TRMT44: variants seen among roughly 807,000 people sequenced by gnomAD.
TRMT44 encodes probable tRNA (uracil-O(2)-)-methyltransferase.
A neutral mutation model predicts 77.3 loss-of-function variants in TRMT44; 78 were observed. That is an observed-to-expected ratio of 1.01 (90% CI 0.84 to 1.22). TRMT44 has a LOEUF of 1.22. Ranked by LOEUF, TRMT44 falls within the 50% of genes most tolerant of loss-of-function variation. The pLI, the probability that TRMT44 is intolerant of heterozygous loss-of-function variation, is 0.00. For missense variants in TRMT44, 1,090 were observed against 964.4 expected, an observed-to-expected ratio of 1.13 and a Z score of -1.73; for synonymous variants, 391 against 383.3, an observed-to-expected ratio of 1.02 and a Z score of -0.23.
intron 2 of TRMT44, among the ~76,000 whole-genome samples, chr4:8,486,740 A>G (rs577796001): frequency 2.2e-3 from 331 of 152,240 alleles, no homozygotes; most frequent in South Asian, 0.013. Flanking sequence ...AGCTCCAGCC[A>G]CCTTTTTAAG....
At chr4:8,482,921 A>G (rs1173576975) in intron 2 of TRMT44, among the ~76,000 whole-genome samples, 2 of 150,446 alleles carry the variant, frequency 1.3e-5, no homozygotes, top group East Asian at 4.0e-4. Flanking sequence ...GGGGGGTGGT[A>G]TGGAGAGATA....
chr4:8,487,925 C>G (rs1254588613), intron 2 of TRMT44, among the ~76,000 whole-genome samples: 1 of 152,140 alleles, frequency 6.6e-6, no homozygotes, highest in Non-Finnish European at 1.5e-5. Flanking sequence ...GCTGCCTTCC[C>G]TAGTCTGTGA....
chr4:8,440,918 G>T lies in TRMT44; in HGVS notation c.96G>T (p.Gln32His). The part of the protein sequence containing the change: ...AAVEVWLERP[Q>H]VANKRLCGAR... ...TCGAAGTGTGGCTGGAGAGGCCGCA[G>T]GTGGCAAACAAACGGCTTTGCGGCG... The change falls in exon 1 of 11, where the codon CAG becomes CAT. Residue 32 changes from glutamine to histidine, a missense_variant. By Grantham distance (24) the Gln-to-His change is conservative (BLOSUM62 0). Coordinates refer to ENST00000389737, the MANE Select transcript of TRMT44 (RefSeq NM_152544.3). 2 of 1,530,612 alleles carry T rather than the reference G, an allele frequency of 1.3e-6. No individual in the cohort carries two copies. The highest frequency in any genetic ancestry group is 1.7e-6 in the Non-Finnish European group (2 of 1,145,580). The allele number at this position is 1,530,612 out of a possible 1,614,324, so 94.8% of individuals were successfully genotyped here.
chr4:8,448,343 G>A (rs1725196917), intron 2 of TRMT44, among the ~76,000 whole-genome samples: 1 of 152,352 alleles, frequency 6.6e-6, no homozygotes, highest in Non-Finnish European at 1.5e-5. Context: ...TCCTGGGGCA[G>A]TGGAGAATAT....
At chr4:8,457,513 T>TAGA (rs1725879649) in intron 6 of TRMT44, among the ~76,000 whole-genome samples, 1 of 152,168 alleles carries the variant, frequency 6.6e-6, no homozygotes, top group East Asian at 1.9e-4. Flanking sequence ...AGCTTCTCTT[T>TAGA]TCAGCCTCTA....
the TRMT44 span, chr4:8,509,018 G>C: frequency 6.6e-6 from 1 of 152,278 alleles, no homozygotes; most frequent in Non-Finnish European, 1.5e-5. Context: ...CCCCTCTCTT[G>C]AGCAGATGAC....
chr4:8,467,869 T>C (rs1364983527), intron 8 of TRMT44, 45 bp from the exon 9 acceptor site: 9 of 1,529,574 alleles, frequency 5.9e-6, no homozygotes, highest in Middle Eastern at 1.8e-4. Context: ...AACGTTGAAA[T>C]AGACTAGCCA....
chr4:8,463,961 C>T (rs373671392), intron 6 of TRMT44, 24 bp from the exon 7 acceptor site: 250 of 1,591,322 alleles, frequency 1.6e-4, no homozygotes, highest in East Asian at 3.1e-4. Context: ...CAAAACATTT[C>T]GTCTTGTTTT....
Position 8,441,209 on chromosome 4 carries a change from T to C in TRMT44, c.387T>C (p.His129=), listed in dbSNP as rs373224515. 63 of 1,535,120 alleles carry C rather than the reference T, an allele frequency of 4.1e-5. No homozygotes were observed. Among genetic ancestry groups the C allele is most frequent in the East Asian group, 2.4e-4 (10 of 40,912 alleles). ...TGAGGGACTCCGGGCACCCCGGCCA[T>C]GCTGAAGGAAGGGAGGGCGACTTCC... The part of the protein sequence containing the change: ...VPLRDSGHPG[H]AEGREGDFPA... Residue 129 remains histidine (H), a synonymous_variant, in exon 1 of 11, where the codon CAT becomes CAC. Coordinates refer to ENST00000389737, the MANE Select transcript of TRMT44 (RefSeq NM_152544.3).
rs573668902 is a variant in TRMT44 at position 8,475,628 on chromosome 4, C to T, written c.2045-144C>T. ...CCCACTGGAGGCAGACTCACTGTGA[C>T]CAGCAGGAACTCTAGGCTGTGTTCC... On this transcript the variant is annotated intron_variant, in intron 10 of 10. Transcript: ENST00000389737. 30 of 721,394 alleles carry T rather than the reference C, an allele frequency of 4.2e-5. No individual in the cohort carries two copies. In the East Asian group the frequency reaches 8.1e-4, roughly 19 times the overall value. 44.7% of individuals were successfully genotyped at this position (721,394 alleles called of 1,614,324 possible).
At position 8,469,606 on chromosome 4, in the gene TRMT44, G is replaced by A. The variant is rs369778045; in HGVS notation, c.1927+1260G>A. 3.3e-5 allele frequency among the ~76,000 whole-genome samples: 5 copies of A among 152,244 alleles called. No homozygotes were observed. In the East Asian group the frequency reaches 7.7e-4, roughly 23 times the overall value. ...GTGAGGAGGAAGGAGGAACAGACCT[G>A]GAGATGGAGAGCGGGGATGGGTGAG... is the stretch of plus-strand genomic sequence containing the variant. On this transcript the variant is annotated intron_variant, in intron 9 of 10. Coordinates refer to ENST00000389737, the MANE Select transcript of TRMT44 (RefSeq NM_152544.3).
chr4:8,491,893 C>T (rs528096054), intron 2 of TRMT44, among the ~76,000 whole-genome samples: 3 of 152,354 alleles, frequency 2.0e-5, no homozygotes, highest in East Asian at 1.9e-4. Flanking sequence ...CCTCAAGTGC[C>T]GCCAAAGTGG....
intron 3 of TRMT44, 75 bp downstream of exon 3, chr4:8,449,963 T>C (rs1327872545): frequency 2.7e-5 from 23 of 845,042 alleles, no homozygotes; most frequent in Non-Finnish European, 3.5e-5. Context: ...TTTTTTTTTT[T>C]TTTTTTTTTT....
At chr4:8,505,392 C>A in the TRMT44 span, among the ~76,000 whole-genome samples, 1 of 152,172 alleles carries the variant, frequency 6.6e-6, no homozygotes, top group African/African-American at 2.4e-5. Flanking sequence ...GGGAGGCCAG[C>A]ACTCAGCCCC....
the TRMT44 span, among the ~76,000 whole-genome samples, chr4:8,516,876 T>C: frequency 6.6e-6 from 1 of 152,244 alleles, no homozygotes; most frequent in African/African-American, 2.4e-5. Flanking sequence ...ATGAGCAATG[T>C]GGCCTTGGCA....
chr4:8,508,864 C>A, the TRMT44 span: 1 of 153,574 alleles, frequency 6.5e-6, no homozygotes, highest in Non-Finnish European at 1.4e-5. Flanking sequence ...CCTTGGCTGC[C>A]TTCCTCCTCC....
At position 8,446,454 on chromosome 4, in the gene TRMT44, C is replaced by G. The variant is rs544901195; in HGVS notation, c.620-22C>G. ...GGTAGCTAGGCAGTTGTAATTTGTC[C>G]TTCTTCTCTTTTTCTTTCCAGATGT... On this transcript the variant is annotated intron_variant, in intron 1 of 10. Coordinates refer to ENST00000389737, the MANE Select transcript of TRMT44 (RefSeq NM_152544.3). The surrounding 1 kb of genome is among the most constrained non-coding windows in gnomAD (Gnocchi z 4.3). The G allele has an allele frequency of 6.8e-7, 1 of 1,472,026 alleles. No individual in the cohort carries two copies. Among genetic ancestry groups the G allele is most frequent in the Non-Finnish European group, 9.2e-7 (1 of 1,089,424 alleles). The allele number at this position is 1,472,026 out of a possible 1,614,324, so 91.2% of individuals were successfully genotyped here.
rs757680636 is a variant in TRMT44 at position 8,465,477 on chromosome 4, A to T, written c.1410A>T (p.Glu470Asp). 1.9e-6 allele frequency: 3 copies of T among 1,614,180 alleles called. No homozygotes were observed. Among genetic ancestry groups the T allele is most frequent in the Non-Finnish European group, 2.5e-6 (3 of 1,180,014 alleles). The change falls in exon 8 of 11, where the codon GAA (glutamate) becomes GAT (aspartate). Residue 470 changes from glutamate (E) to aspartate (D), a missense_variant. Coordinates refer to ENST00000389737, the MANE Select transcript of TRMT44 (RefSeq NM_152544.3). ...AGAGTAAGAAGACTCAGTACCGGGA[A>T]TACCTTGACTTCATTAAAGAAGTGG... ...RRQSKKTQYR[E>D]YLDFIKEVGF...
rs1241346945 is a variant in TRMT44, at chr4:8,476,199, A to T, written c.*198A>T. The T allele has an allele frequency of 1.7e-6, 1 of 605,804 alleles. No individual in the cohort carries two copies. Among genetic ancestry groups the T allele is most frequent in the Non-Finnish European group, 2.9e-6 (1 of 344,398 alleles). 37.5% of individuals were successfully genotyped at this position (605,804 alleles called of 1,614,324 possible). On this transcript the variant is annotated 3_prime_UTR_variant, in exon 11 of 11. Transcript: ENST00000389737. ...AAGCCACAGTTACTCGGAAGCCCCC[A>T]GCTGACTGCCTGGCTTGTTTCAGAT... is the stretch of plus-strand genomic sequence containing the variant.
Sources: allele counts gnomAD v4.1 joint callset (sites outside exome capture counted in the v4.1 genomes callset), GRCh38; gene constraint gnomAD v4.1.1; non-coding constraint Gnocchi (gnomAD v3.1); transcripts MANE v1.5; gene names NCBI Gene and HGNC (gene_info 2026-07-23, HGNC 2026-07-21).